The following KDM6A variants were observed in gnomAD, a reference collection of about 807,000 sequenced individuals.
KDM6A encodes the protein lysine demethylase 6A.
In KDM6A, 11 loss-of-function variants were observed where a neutral mutation model predicts 117.6. The observed-to-expected ratio is 0.09, with a 90% CI of 0.06 to 0.15. KDM6A has a LOEUF of 0.15. Ranked by LOEUF, KDM6A falls within the 10% of genes least tolerant of loss-of-function variation. KDM6A has a pLI of 1.00. For missense variants in KDM6A, 799 were observed against 1,077.3 expected, an observed-to-expected ratio of 0.74 and a Z score of 3.62; for synonymous variants, 384 against 396.1, an observed-to-expected ratio of 0.97 and a Z score of 0.36.
At chrX:44,880,912 T>C (rs2032225839) in intron 2 of KDM6A, among the ~76,000 whole-genome samples, 1 of 112,292 alleles carries the variant, frequency 8.9e-6, no homozygotes, top group African/African-American at 3.2e-5. Context: ...AGGCCTTTCT[T>C]GCATTTTAAT....
In KDM6A at chrX:45,001,993, A is replaced by G. The variant is rs750516843; in HGVS notation, c.385-8968A>G. Among the ~76,000 whole-genome samples, 501 of 111,381 alleles carry G rather than the reference A, an allele frequency of 4.5e-3. 8 individuals are homozygous for G. The highest frequency in any genetic ancestry group is 0.013 in the African/African-American group (411 of 30,588). On this transcript the variant is annotated intron_variant, in intron 4 of 29. Coordinates refer to ENST00000611820, the MANE Select transcript of KDM6A (RefSeq NM_001291415.2). ...TGTGCTAAAAGACTTTTAGTTTTGA[A>G]GGAAAGGAAAGTGGAAGATAAACCA... is the stretch of plus-strand genomic sequence containing the variant.
At chrX:45,035,410 T>C (rs1353038054) in intron 7 of KDM6A, among the ~76,000 whole-genome samples, 1 of 111,812 alleles carries the variant, frequency 8.9e-6, no homozygotes, top group East Asian at 2.8e-4. Flanking sequence ...ACTTTTATGA[T>C]AGTTTTATAT....
chrX:44,937,747 A>AC (rs2037060442), intron 2 of KDM6A, among the ~76,000 whole-genome samples: 1 of 112,005 alleles, frequency 8.9e-6, no homozygotes, highest in Non-Finnish European at 1.9e-5. Flanking sequence ...GGACATTCTC[A>AC]CTTTAAGATC....
chrX:44,984,820 T>A (rs183900158), intron 4 of KDM6A, among the ~76,000 whole-genome samples: 1 of 111,913 alleles, frequency 8.9e-6, no homozygotes, highest in Non-Finnish European at 1.9e-5. Context: ...TGTAGCCTTG[T>A]AGTATAGTTT....
chrX:44,937,381 A>G (rs2037031025), intron 2 of KDM6A, among the ~76,000 whole-genome samples: 1 of 111,700 alleles, frequency 9.0e-6, no homozygotes, highest in Non-Finnish European at 1.9e-5. Context: ...AGTCCTGTGT[A>G]TCACAAATCT....
At position 45,083,540 on chromosome X, in the gene KDM6A, T is replaced by C. The variant is rs2045512597; in HGVS notation, c.3521T>C (p.Val1174Ala). ...VVSAGNLLSH[V>A]GHTILGMNTV... ...TCAGCAGGAAATCTTCTAAGCCATGTTGGTCATACCATATTGGGCATGAAC... is the reference window on the plus strand; with the variant it reads ...TCAGCAGGAAATCTTCTAAGCCATGCTGGTCATACCATATTGGGCATGAAC... Residue 1174 changes from valine (V) to alanine (A), a missense_variant, in exon 24 of 30, where the codon GTT becomes GCT. Val to Ala is a moderately conservative substitution (Grantham distance 64). Around this residue, in one of 8 missense-constraint regions of KDM6A, gnomAD observed 291 missense variants for 437.9 expected, o/e 0.66. Coordinates refer to ENST00000611820, the MANE Select transcript of KDM6A (RefSeq NM_001291415.2). 1 of 1,208,352 alleles carries C rather than the reference T, an allele frequency of 8.3e-7. No individual in the cohort carries two copies.
At chrX:44,880,112 G>T (rs1191185673) in intron 2 of KDM6A, among the ~76,000 whole-genome samples, 1 of 106,506 alleles carries the variant, frequency 9.4e-6, no homozygotes, top group East Asian at 2.9e-4. Context: ...GGCAGAGGTT[G>T]CAGTGAGCTG....
At chrX:45,097,495 T>C (rs773302159) in intron 27 of KDM6A, among the ~76,000 whole-genome samples, 1 of 111,640 alleles carries the variant, frequency 9.0e-6, no homozygotes, top group African/African-American at 3.2e-5. Flanking sequence ...ATAGTCACTC[T>C]AATGAGCTAA....
At chrX:44,988,762 C>T (rs1197940729) in intron 4 of KDM6A, among the ~76,000 whole-genome samples, 4 of 110,843 alleles carry the variant, frequency 3.6e-5, no homozygotes, top group African/African-American at 9.9e-5. Flanking sequence ...CTGATCGTTC[C>T]TCTGGAAGTT....
At chrX:44,998,953 G>T (rs893574459) in intron 4 of KDM6A, among the ~76,000 whole-genome samples, 10 of 111,589 alleles carry the variant, frequency 9.0e-5, no homozygotes, top group Non-Finnish European at 1.5e-4. Flanking sequence ...GACCCGCAGT[G>T]GATGCCTGAA....
At chrX:44,947,901 A>G (rs766956983) in intron 2 of KDM6A, among the ~76,000 whole-genome samples, 1 of 111,327 alleles carries the variant, frequency 9.0e-6, no homozygotes, top group Non-Finnish European at 1.9e-5. Context: ...TCCCCCAAAT[A>G]AGACCCCAGA....
intron 24 of KDM6A, 82 bp downstream of exon 24, chrX:45,083,690 G>T (rs1469576915): frequency 1.1e-6 from 1 of 875,208 alleles, no homozygotes; most frequent in East Asian, 3.3e-5. Flanking sequence ...CCAGAATCTT[G>T]TCATTTATAA....
intron 4 of KDM6A, among the ~76,000 whole-genome samples, chrX:44,987,382 T>G (rs1375749670): frequency 8.9e-6 from 1 of 111,879 alleles, no homozygotes. Context: ...CTGTGTCTTT[T>G]AATTGGAGCA....
intron 8 of KDM6A, among the ~76,000 whole-genome samples, chrX:45,042,081 C>G (rs1384352654): frequency 9.1e-6 from 1 of 109,937 alleles, no homozygotes; most frequent in Non-Finnish European, 1.9e-5. Flanking sequence ...AAAACCCCCT[C>G]TCCACCAAAA....
rs775935212 is a variant in KDM6A at position 44,960,123 on chromosome X, A to ACAT, written c.226-1158_226-1156dup. 1.5e-3 allele frequency among the ~76,000 whole-genome samples: 173 copies of ACAT among 111,971 alleles called. 1 individual carries two copies. Among genetic ancestry groups the ACAT allele is most frequent in the Admixed American group, 4.3e-3 (45 of 10,520 alleles). ...GCATTCGAAGTGAGTACTCTGTCCC[A>ACAT]CATCACATTTTCTTATCTCAACAAA... On this transcript the variant is annotated intron_variant, in intron 2 of 29. Transcript: ENST00000611820.
rs749062014 is a variant in KDM6A at position 44,873,579 on chromosome X, A to ACCGCCGCCGCTG, written c.40_51dup (p.Ala14_Ala17dup). On this transcript the variant is annotated inframe_insertion, in exon 1 of 30. Coordinates refer to ENST00000611820, the MANE Select transcript of KDM6A (RefSeq NM_001291415.2). Reference sequence around the variant, plus strand: ...GAAATCCTGCGGAGTGTCGCTCGCTACCGCCGCCGCTGCCGCCGCCGCTTT... The same window carrying ACCGCCGCCGCTG: ...GAAATCCTGCGGAGTGTCGCTCGCTACCGCCGCCGCTGCCGCCGCCGCTGCCGCCGCCGCTTT... 2.4e-4 allele frequency: 289 copies of ACCGCCGCCGCTG among 1,197,292 alleles called. No individual in the cohort carries two copies. The highest frequency in any genetic ancestry group is 2.9e-4 in the Non-Finnish European group (262 of 890,416).
chrX:45,003,882 TC>T (rs1397757228), intron 4 of KDM6A, among the ~76,000 whole-genome samples: 2 of 89,652 alleles, frequency 2.2e-5, no homozygotes, highest in Non-Finnish European at 4.4e-5. Context: ...CTCTCTCTTC[TC>T]CCCCTTCTCC....
intron 6 of KDM6A, among the ~76,000 whole-genome samples, chrX:45,026,212 A>G (rs961452818): frequency 2.7e-5 from 3 of 112,362 alleles, no homozygotes; most frequent in Non-Finnish European, 5.6e-5. Context: ...GGCTCAGTTC[A>G]CCAATTCATG....
At chrX:45,106,973 G>A in intron 27 of KDM6A, 1 of 181,840 alleles carries the variant, frequency 5.5e-6, no homozygotes. Context: ...TGTTTAGGTA[G>A]TGTTGATTAA....
Sources: allele counts gnomAD v4.1 joint callset (sites outside exome capture counted in the v4.1 genomes callset), GRCh38; gene constraint gnomAD v4.1.1; regional missense constraint gnomAD v4.1.1; transcripts MANE v1.5; gene names NCBI Gene and HGNC (gene_info 2026-07-23, HGNC 2026-07-21).